STEAP1B: variants seen among roughly 807,000 people sequenced by gnomAD.
STEAP1B encodes the protein STEAP family protein MGC87042.
STEAP1B carries 13 observed loss-of-function variants against 27.9 expected under a neutral mutation model. The observed-to-expected ratio is 0.47, with a 90% CI of 0.30 to 0.74. STEAP1B has a LOEUF of 0.74. Among genes scored for constraint, STEAP1B ranks in the 30% least tolerant of loss-of-function variants. The pLI is 0.06. For missense variants in STEAP1B, 250 were observed against 298.7 expected (o/e 0.84, Z 1.20); for synonymous variants, 86 against 107.1 (o/e 0.80, Z 1.22).
intron 4 of STEAP1B, chr7:22,438,567 A>G: frequency 6.4e-7 from 1 of 1,552,176 alleles, no homozygotes; most frequent in Non-Finnish European, 8.7e-7. Context: ...TGTGAGAGCT[A>G]ACATTTCCCT....
chr7:22,462,483 T>C (rs1473768215), intron 4 of STEAP1B, among the ~76,000 whole-genome samples: 2 of 132,828 alleles, frequency 1.5e-5, no homozygotes, highest in Admixed American at 1.6e-4. Flanking sequence ...TACGCGGTGT[T>C]TGGTTTTTTG....
At chr7:22,478,229 T>A (rs149695449) in intron 4 of STEAP1B, among the ~76,000 whole-genome samples, 151 of 152,324 alleles carry the variant, frequency 9.9e-4, no homozygotes, top group African/African-American at 3.3e-3. Context: ...ATCCCACTAT[T>A]GTTTAAGAAG....
intron 4 of STEAP1B, among the ~76,000 whole-genome samples, chr7:22,425,831 G>A (rs1407508649): frequency 6.6e-6 from 1 of 152,126 alleles, no homozygotes; most frequent in Non-Finnish European, 1.5e-5. Flanking sequence ...AATAGCAAAG[G>A]GGCAGATTCT....
intron 4 of STEAP1B, among the ~76,000 whole-genome samples, chr7:22,450,204 A>G (rs780799845): frequency 4.8e-5 from 7 of 146,648 alleles, no homozygotes; most frequent in Non-Finnish European, 8.8e-5. Context: ...GTGCTTGTGG[A>G]GTATCACTCA....
intron 4 of STEAP1B, among the ~76,000 whole-genome samples, chr7:22,470,672 A>G (rs1785866109): frequency 6.6e-6 from 1 of 152,198 alleles, no homozygotes; most frequent in African/African-American, 2.4e-5. Flanking sequence ...AGACTGAGGC[A>G]GGATTGAATC....
At chr7:22,483,968 AG>A (rs1328310672) in intron 4 of STEAP1B, among the ~76,000 whole-genome samples, 4 of 152,244 alleles carry the variant, frequency 2.6e-5, no homozygotes, top group Non-Finnish European at 5.9e-5. Context: ...ATCCAGAGCA[AG>A]GCCCTAAAGT....
chr7:22,482,991 T>C (rs1583653131), intron 4 of STEAP1B, among the ~76,000 whole-genome samples: 2 of 150,304 alleles, frequency 1.3e-5, no homozygotes, highest in African/African-American at 5.1e-5. Flanking sequence ...CTGCCAGATC[T>C]GTGCCGCCAG....
At chr7:22,463,182 T>C (rs1043388110) in intron 4 of STEAP1B, among the ~76,000 whole-genome samples, 6 of 151,816 alleles carry the variant, frequency 4.0e-5, no homozygotes, top group African/African-American at 9.7e-5. Context: ...GAGAGCCAAA[T>C]CATGAGTGAA....
At chr7:22,467,295 C>T (rs1440772222) in intron 4 of STEAP1B, among the ~76,000 whole-genome samples, 1 of 152,170 alleles carries the variant, frequency 6.6e-6, no homozygotes, top group Non-Finnish European at 1.5e-5. Flanking sequence ...CTTAAATCTG[C>T]TTAAAAGCCT....
chr7:22,451,596 C>T (rs6953423), intron 4 of STEAP1B, among the ~76,000 whole-genome samples: 1 of 152,068 alleles, frequency 6.6e-6, no homozygotes, highest in Admixed American at 6.5e-5. Flanking sequence ...GGACTTTTAT[C>T]GTGAAGGCAT....
At chr7:22,426,736 G>A (rs1475352765) in intron 4 of STEAP1B, among the ~76,000 whole-genome samples, 1 of 152,190 alleles carries the variant, frequency 6.6e-6, no homozygotes, top group Non-Finnish European at 1.5e-5. Context: ...ATTGGACATA[G>A]AGCAGTGAAC....
intron 4 of STEAP1B, among the ~76,000 whole-genome samples, chr7:22,475,617 G>A (rs557241999): frequency 1.3e-5 from 2 of 152,306 alleles, no homozygotes; most frequent in African/African-American, 4.8e-5. Flanking sequence ...CCATCCCCCA[G>A]CCTGCATGGT....
chr7:22,472,131 G>A (rs1021248594), intron 4 of STEAP1B, among the ~76,000 whole-genome samples: 3 of 152,150 alleles, frequency 2.0e-5, no homozygotes, highest in Non-Finnish European at 2.9e-5. Context: ...AGGGATTGTT[G>A]GGACTTCTGG....
At chr7:22,484,894 C>A (rs1786174270) in intron 4 of STEAP1B, among the ~76,000 whole-genome samples, 1 of 152,176 alleles carries the variant, frequency 6.6e-6, no homozygotes. Flanking sequence ...AAAGTCAATG[C>A]AGATGTATAG....
intron 4 of STEAP1B, among the ~76,000 whole-genome samples, chr7:22,442,788 G>A (rs1433832947): frequency 6.6e-6 from 1 of 152,196 alleles, no homozygotes; most frequent in African/African-American, 2.4e-5. Flanking sequence ...AGGGTGTCCT[G>A]GGTTGCCGCC....
chr7:22,429,171 C>T (rs1223702802), intron 4 of STEAP1B, among the ~76,000 whole-genome samples: 1 of 152,216 alleles, frequency 6.6e-6, no homozygotes, highest in Non-Finnish European at 1.5e-5. Flanking sequence ...GCCCTCCACT[C>T]ATAGGTTTAT....
chr7:22,456,769 A>C (rs1418658120), intron 4 of STEAP1B, among the ~76,000 whole-genome samples: 1 of 151,262 alleles, frequency 6.6e-6, no homozygotes, highest in Non-Finnish European at 1.5e-5. Flanking sequence ...GTTTAGGCCA[A>C]GAAGGGAACA....
Position 22,421,924 on chromosome 7 carries a change from G to C in STEAP1B, c.763-2088C>G, listed in dbSNP as rs148773476. Among the ~76,000 whole-genome samples, 191 of 152,322 alleles carry C rather than the reference G, an allele frequency of 1.3e-3. 2 individuals carry two copies. In the East Asian group the frequency reaches 0.035, roughly 28 times the overall value. ...AGAACCTCCCATGGGAAAATCTGCA[G>C]TATGGATAAAACTTTGAATTTAGAA... is the stretch of plus-strand genomic sequence containing the variant. On this transcript the variant is annotated intron_variant, in intron 4 of 4. Coordinates refer to ENST00000678116, the MANE Select transcript of STEAP1B (RefSeq NM_001382447.1).
intron 4 of STEAP1B, among the ~76,000 whole-genome samples, chr7:22,487,458 G>T (rs1786230138): frequency 6.6e-6 from 1 of 151,126 alleles, no homozygotes; most frequent in Non-Finnish European, 1.5e-5. Flanking sequence ...AGTTACATGA[G>T]TATTTGTTTG....
Sources: allele counts gnomAD v4.1 joint callset (sites outside exome capture counted in the v4.1 genomes callset), GRCh38; gene constraint gnomAD v4.1.1; transcripts MANE v1.5; gene names NCBI Gene and HGNC (gene_info 2026-07-23, HGNC 2026-07-21).